Variants in ALG6 observed in about 807,000 individuals in gnomAD.
ALG6 encodes the protein dolichyl pyrophosphate Man9GlcNAc2 alpha-1,3-glucosyltransferase.
ALG6 carries 46 observed loss-of-function variants against 66.6 expected under a neutral mutation model. That is an observed-to-expected ratio of 0.69 (90% confidence interval 0.55 to 0.88). ALG6 has a LOEUF of 0.88. ALG6 is among the 40% of genes least tolerant of loss of function. The probability of loss-of-function intolerance (pLI) is 0.00; values close to 1 mark genes in which losing one functional copy is unlikely to be tolerated. For synonymous variants in ALG6, 185 were observed against 203.7 expected (o/e 0.91, Z 0.78); for missense variants, 505 against 586.8 (o/e 0.86, Z 1.44).
intron 12 of ALG6, among the ~76,000 whole-genome samples, chr1:63,426,520 A>C (rs1317458040): frequency 6.6e-6 from 1 of 152,150 alleles, no homozygotes; most frequent in East Asian, 1.9e-4. Context: ...TCATCTTTGT[A>C]TTCCTTTCAG....
chr1:63,424,947 T>C (rs987048033), intron 12 of ALG6, among the ~76,000 whole-genome samples: 1 of 151,930 alleles, frequency 6.6e-6, no homozygotes, highest in South Asian at 2.1e-4. Context: ...GCTGGCTAAT[T>C]TTTGTATTTT....
At chr1:63,416,655 GAGA>G (rs1324198929) in intron 11 of ALG6, among the ~76,000 whole-genome samples, 7 of 152,108 alleles carry the variant, frequency 4.6e-5, no homozygotes, top group Admixed American at 3.9e-4. Flanking sequence ...AAATATTTTT[GAGA>G]AGGAGAGGGG....
chr1:63,370,487 TA>T (rs1392460537), intron 1 of ALG6, among the ~76,000 whole-genome samples: 1 of 152,252 alleles, frequency 6.6e-6, no homozygotes, highest in Admixed American at 6.5e-5. Context: ...TGTCATTATC[TA>T]CATATGTGTT....
At chr1:63,398,958 C>T (rs1644430088) in intron 3 of ALG6, among the ~76,000 whole-genome samples, 1 of 152,086 alleles carries the variant, frequency 6.6e-6, no homozygotes, top group Admixed American at 6.5e-5. Context: ...TTCTTTAGAT[C>T]AGGAGTTTGG....
intron 12 of ALG6, among the ~76,000 whole-genome samples, chr1:63,422,268 AATAT>A (rs1314470493): frequency 4.0e-5 from 2 of 49,904 alleles, no homozygotes; most frequent in East Asian, 6.0e-4. Context: ...TATAGATATA[AATAT>A]ATATATAAAT....
chr1:63,427,787 CTT>C (rs540658412), intron 12 of ALG6, among the ~76,000 whole-genome samples: 63 of 109,952 alleles, frequency 5.7e-4, no homozygotes, highest in African/African-American at 2.3e-3. Context: ...CCCTAAACAA[CTT>C]TTTTTTTTTT....
chr1:63,429,092 G>C lies in ALG6; in HGVS notation c.1292G>C (p.Cys431Ser). 6.2e-7 allele frequency: 1 copy of C among 1,603,112 alleles called. No homozygotes were observed. The highest frequency in any genetic ancestry group is 8.5e-7 in the Non-Finnish European group (1 of 1,174,176). Residue 431 changes from cysteine (C) to serine (S), a missense_variant, in exon 14 of 15, where the codon TGT becomes TCT. Transcript: ENST00000263440. ...FSISVRKYLP[C>S]FTFLSRIIQY... ...ATTTCTGTGAGGAAATATCTTCCAT[G>C]TTTTACATTTCTTTCCAGAATTATA...
In ALG6 at chr1:63,433,668, T is replaced by C. The variant is rs999603018; in HGVS notation, c.1327-3155T>C. Among the ~76,000 whole-genome samples the C allele has an allele frequency of 6.6e-6, 1 of 152,224 alleles. No individual in the cohort carries two copies. Among genetic ancestry groups the C allele is most frequent in the African/African-American group, 2.4e-5 (1 of 41,452 alleles). On this transcript the variant is annotated intron_variant, in intron 14 of 14. Coordinates refer to ENST00000263440, the MANE Select transcript of ALG6 (RefSeq NM_013339.4). The surrounding 1 kb of genome is among the most constrained non-coding windows in gnomAD (Gnocchi z 4.2). Reference sequence around the variant, plus strand: ...AGTAATCTTAAGGTGAGGACCGCTATGGGCTCCCAGATTTATTTGTTCTTT... The same window carrying C: ...AGTAATCTTAAGGTGAGGACCGCTACGGGCTCCCAGATTTATTTGTTCTTT...
At chr1:63,390,693 C>T (rs1194063279) in intron 2 of ALG6, among the ~76,000 whole-genome samples, 1 of 152,170 alleles carries the variant, frequency 6.6e-6, no homozygotes, top group African/African-American at 2.4e-5. Context: ...ATGGACCATT[C>T]CCTTCTGGCT....
chr1:63,398,888 A>G (rs985886064), intron 3 of ALG6, among the ~76,000 whole-genome samples: 46 of 152,306 alleles, frequency 3.0e-4, no homozygotes, highest in African/African-American at 1.0e-3. Context: ...CTAATTTTCT[A>G]TGCTGTGTAA....
Position 63,371,709 on chromosome 1 carries a change from A to G in ALG6, c.82+650A>G, listed in dbSNP as rs549185205. Among the ~76,000 whole-genome samples, 3 of 152,220 alleles carry G rather than the reference A, an allele frequency of 2.0e-5. No individual in the cohort carries two copies. The East Asian group carries it at 5.8e-4, about 29-fold the overall frequency. ...GACCTCTGCCTCCCGGGTTCAAGCA[A>G]TTCTTCTACCTCAACCTTCCGAGTA... On this transcript the variant is annotated intron_variant, in intron 2 of 14. Coordinates refer to ENST00000263440, the MANE Select transcript of ALG6 (RefSeq NM_013339.4).
At chr1:63,372,227 C>T (rs899304208) in intron 2 of ALG6, among the ~76,000 whole-genome samples, 1 of 151,894 alleles carries the variant, frequency 6.6e-6, no homozygotes, top group Admixed American at 6.6e-5. Context: ...ATAGGTTATA[C>T]AATTAGCTGG....
chr1:63,418,224 A>G (rs915664836), intron 11 of ALG6, among the ~76,000 whole-genome samples: 2 of 150,888 alleles, frequency 1.3e-5, no homozygotes, highest in East Asian at 1.9e-4. Flanking sequence ...ACCTTTCTAG[A>G]GAAGGTTTCT....
chr1:63,370,222 G>C (rs946871510), intron 1 of ALG6, among the ~76,000 whole-genome samples: 5 of 150,890 alleles, frequency 3.3e-5, no homozygotes, highest in African/African-American at 1.2e-4. Context: ...TTTTTCTCAC[G>C]ATTTGGGATT....
At chr1:63,376,415 C>T (rs1213397813) in intron 2 of ALG6, among the ~76,000 whole-genome samples, 1 of 152,166 alleles carries the variant, frequency 6.6e-6, no homozygotes, top group Admixed American at 6.5e-5. Flanking sequence ...TGCCCATTCT[C>T]TCAGTGATAT....
intron 14 of ALG6, among the ~76,000 whole-genome samples, chr1:63,435,652 G>A (rs1047865087): frequency 1.7e-4 from 26 of 151,956 alleles, no homozygotes; most frequent in Admixed American, 1.7e-3. Flanking sequence ...GATCTTGCTG[G>A]TCTTTGTCTT....
intron 11 of ALG6, among the ~76,000 whole-genome samples, chr1:63,416,209 T>G (rs1221154313): frequency 6.6e-6 from 1 of 152,152 alleles, no homozygotes; most frequent in African/African-American, 2.4e-5. Flanking sequence ...TAGAAAACAG[T>G]GGCAATGAAC....
intron 5 of ALG6, among the ~76,000 whole-genome samples, chr1:63,405,399 A>G (rs1052318766): frequency 7.2e-5 from 11 of 152,110 alleles, no homozygotes; most frequent in East Asian, 3.8e-4. Context: ...TACTTTCTAA[A>G]TTGAACTTCC....
intron 13 of ALG6, 54 bp from the exon 14 acceptor site, chr1:63,428,874 G>T: frequency 1.9e-6 from 3 of 1,589,362 alleles, no homozygotes; most frequent in Non-Finnish European, 2.6e-6. Flanking sequence ...TTATGAAGTG[G>T]TTATGGTTTG....
Sources: allele counts gnomAD v4.1 joint callset (sites outside exome capture counted in the v4.1 genomes callset), GRCh38; gene constraint gnomAD v4.1.1; non-coding constraint Gnocchi (gnomAD v3.1); transcripts MANE v1.5; gene names NCBI Gene and HGNC (gene_info 2026-07-23, HGNC 2026-07-21).